ROR2: variants seen among roughly 807,000 people sequenced by gnomAD.
ROR2 encodes the protein ROR family WNT receptor 2.
Under a neutral mutation model 74.9 loss-of-function variants are expected in ROR2, and 33 were observed. The observed-to-expected ratio is 0.44, with a 90% confidence interval of 0.33 to 0.59. ROR2 has a LOEUF of 0.59. Among genes scored for constraint, ROR2 ranks in the 20% least tolerant of loss-of-function variants. The probability of loss-of-function intolerance (pLI) is 0.02; values close to 1 mark genes in which losing one functional copy is unlikely to be tolerated. For synonymous variants in ROR2, 586 were observed against 558.7 expected, an observed-to-expected ratio of 1.05 and a Z score of -0.69; for missense variants, 1,216 against 1,313.8, an observed-to-expected ratio of 0.93 and a Z score of 1.15.
In ROR2 at chr9:91,894,363, C is replaced by T. The variant is rs78689767; in HGVS notation, c.97+55504G>A. On this transcript the variant is annotated intron_variant, in intron 1 of 8. Transcript: ENST00000375708. Reference sequence around the variant, plus strand: ...ATGTGTGTCTGCTAACTGATTAACACGGATTTTAGATTACCATTGAGGAGA... The same window carrying T: ...ATGTGTGTCTGCTAACTGATTAACATGGATTTTAGATTACCATTGAGGAGA... 7.3e-4 allele frequency among the ~76,000 whole-genome samples: 111 copies of T among 152,262 alleles called. No homozygotes were observed. In the East Asian group the frequency reaches 0.016, roughly 22 times the overall value.
intron 1 of ROR2, among the ~76,000 whole-genome samples, chr9:91,833,599 C>T (rs551153793): frequency 6.6e-6 from 1 of 152,266 alleles, no homozygotes; most frequent in Admixed American, 6.5e-5. Flanking sequence ...CCTCAATGAC[C>T]CCCTATCGAA....
intron 1 of ROR2, among the ~76,000 whole-genome samples, chr9:91,850,558 G>A (rs1829059298): frequency 6.6e-6 from 1 of 152,196 alleles, no homozygotes; most frequent in South Asian, 2.1e-4. Context: ...ACCCAGGTGG[G>A]TCTGGAAGCC....
At chr9:91,853,984 T>C (rs1301633749) in intron 1 of ROR2, among the ~76,000 whole-genome samples, 4 of 137,368 alleles carry the variant, frequency 2.9e-5, no homozygotes, top group Non-Finnish European at 6.0e-5. Flanking sequence ...CAGAGTGCAT[T>C]TGGGAGATGA....
chr9:91,864,464 G>A (rs1829568465), intron 1 of ROR2, among the ~76,000 whole-genome samples: 1 of 152,210 alleles, frequency 6.6e-6, no homozygotes, highest in Admixed American at 6.5e-5. Flanking sequence ...GAGAAGGAAT[G>A]AACAATCCAG....
Position 91,905,030 on chromosome 9 carries a change from C to T in ROR2, c.97+44837G>A, listed in dbSNP as rs111638835. 0.035 allele frequency among the ~76,000 whole-genome samples: 5,275 copies of T among 149,952 alleles called. 325 individuals are homozygous for T. Among genetic ancestry groups the T allele is most frequent in the African/African-American group, 0.12 (4,963 of 40,824 alleles). On this transcript the variant is annotated intron_variant, in intron 1 of 8. Transcript: ENST00000375708. The surrounding 1 kb of genome is among the most constrained non-coding windows in gnomAD (Gnocchi z 5.3). Reference sequence around the variant, plus strand: ...ACACAACATATACCACACACAAAAACGTAACATATACGCAAACATCACACC... The same window carrying T: ...ACACAACATATACCACACACAAAAATGTAACATATACGCAAACATCACACC...
chr9:91,866,236 C>T (rs962712612), intron 1 of ROR2, among the ~76,000 whole-genome samples: 1 of 152,068 alleles, frequency 6.6e-6, no homozygotes, highest in Non-Finnish European at 1.5e-5. Context: ...TCTCCTGCCT[C>T]AGTCTCCTGA....
intron 1 of ROR2, among the ~76,000 whole-genome samples, chr9:91,888,419 T>C (rs1251927663): frequency 6.6e-6 from 1 of 152,078 alleles, no homozygotes; most frequent in Non-Finnish European, 1.5e-5. Flanking sequence ...TGGGTAAGAA[T>C]CACAACCTCC....
intron 1 of ROR2, among the ~76,000 whole-genome samples, chr9:91,821,101 A>T (rs989663745): frequency 8.1e-5 from 5 of 61,630 alleles, no homozygotes; most frequent in African/African-American, 3.2e-4. Context: ...ACTTCGTCTC[A>T]AAAAAAAAAA....
intron 1 of ROR2, among the ~76,000 whole-genome samples, chr9:91,925,466 A>ATG (rs35012954): frequency 0.07 from 10,103 of 144,468 alleles, 427 homozygotes; most frequent in Non-Finnish European, 0.099. Flanking sequence ...AGCTGCCTGT[A>ATG]TGTGTGTGTG....
chr9:91,759,069 C>A (rs1285596121), intron 2 of ROR2, among the ~76,000 whole-genome samples: 1 of 152,212 alleles, frequency 6.6e-6, no homozygotes, highest in Admixed American at 6.5e-5. Flanking sequence ...TGGCCTTGAT[C>A]CTTTCTTTTC....
Position 91,724,251 on chromosome 9 carries a change from G to T in ROR2, c.2243C>A (p.Ala748Asp). The stretch of plus-strand genomic sequence containing the variant: ...GTTGTAGTTGGAAAGGTTGCCCCAG[G>T]CTCGGAGCCGGCTGTGGATGTCCTT... ...RFKDIHSRLRAWGNLSNYNSS... is the reference protein window; with the variant it reads ...RFKDIHSRLRDWGNLSNYNSS... Residue 748 changes from alanine to aspartate, a missense_variant, in exon 9 of 9, where the codon GCC becomes GAC. By Grantham distance (126) the Ala-to-Asp change is moderately radical (BLOSUM62 -2). Transcript: ENST00000375708. 1 of 1,613,540 alleles carries T rather than the reference G, an allele frequency of 6.2e-7. No individual in the cohort carries two copies. Among genetic ancestry groups the T allele is most frequent in the Non-Finnish European group, 8.5e-7 (1 of 1,180,022 alleles).
In ROR2 at chr9:91,826,644, C is replaced by G. The variant is rs112303800; in HGVS notation, c.98-50826G>C. Among the ~76,000 whole-genome samples the G allele has an allele frequency of 3.0e-3, 454 of 151,988 alleles. 4 individuals carry two copies. The highest frequency in any genetic ancestry group is 9.7e-3 in the African/African-American group (404 of 41,450). ...AAAATACAAAAAGAAATTAGCCGGG[C>G]GTGGTGGTGGGAGCCTGTAGTCCCA... is the stretch of plus-strand genomic sequence containing the variant. On this transcript the variant is annotated intron_variant, in intron 1 of 8. Transcript: ENST00000375708.
At chr9:91,773,042 G>C (rs1200343858) in intron 2 of ROR2, among the ~76,000 whole-genome samples, 1 of 152,110 alleles carries the variant, frequency 6.6e-6, no homozygotes, top group Non-Finnish European at 1.5e-5. Context: ...TGAATATGCA[G>C]CTGTTTCTGC....
chr9:91,884,194 C>T (rs1830206511), intron 1 of ROR2, among the ~76,000 whole-genome samples: 1 of 152,132 alleles, frequency 6.6e-6, no homozygotes, highest in African/African-American at 2.4e-5. Context: ...TTGACCTGTC[C>T]CTCATTCAAC....
intron 1 of ROR2, among the ~76,000 whole-genome samples, chr9:91,782,875 G>A (rs1298882001): frequency 1.3e-5 from 2 of 152,264 alleles, no homozygotes; most frequent in South Asian, 4.1e-4. Context: ...ATCACAGGAA[G>A]TAGCAGTGAT....
chr9:91,915,947 A>AG (rs1362993836), intron 1 of ROR2, among the ~76,000 whole-genome samples: 7 of 152,170 alleles, frequency 4.6e-5, no homozygotes, highest in African/African-American at 1.7e-4. Context: ...TCTCAAAATG[A>AG]GGGGCAGGCG....
chr9:91,836,380 A>C (rs1828610930), intron 1 of ROR2, among the ~76,000 whole-genome samples: 1 of 151,984 alleles, frequency 6.6e-6, no homozygotes, highest in African/African-American at 2.4e-5. Flanking sequence ...TTTCTACTAA[A>C]AATACAAAAA....
intron 1 of ROR2, among the ~76,000 whole-genome samples, chr9:91,899,696 A>G (rs939647907): frequency 4.6e-5 from 7 of 152,046 alleles, no homozygotes; most frequent in Admixed American, 6.6e-5. Flanking sequence ...TCTGCCTGAC[A>G]CCTCAACCCT....
chr9:91,916,930 T>C (rs796450768), intron 1 of ROR2, among the ~76,000 whole-genome samples: 4 of 152,260 alleles, frequency 2.6e-5, no homozygotes, highest in African/African-American at 9.6e-5. Flanking sequence ...TGTCCCATGC[T>C]GGAGTGGAAA....
Sources: gnomAD v4.1 joint callset for allele counts (sites outside exome capture counted in the v4.1 genomes callset) on GRCh38, gnomAD v4.1.1 for gene constraint, Gnocchi (gnomAD v3.1) non-coding constraint, MANE v1.5 for transcripts, NCBI Gene and HGNC (gene_info 2026-07-23, HGNC 2026-07-21) for gene names.